The following CUL2 variants were observed in gnomAD, a reference collection of about 807,000 sequenced individuals.
CUL2 encodes cullin 2.
Under a neutral mutation model 110.2 loss-of-function variants are expected in CUL2, and 22 were observed. That is an observed-to-expected ratio of 0.20 (90% CI 0.14 to 0.28). The LOEUF (loss-of-function observed/expected upper bound fraction) is 0.28, where lower values mean the gene tolerates loss of function less well. CUL2 is among the 10% of genes least tolerant of loss of function. The pLI, the probability that CUL2 is intolerant of heterozygous loss-of-function variation, is 1.00. For synonymous variants in CUL2, 279 were observed against 293.2 expected (o/e 0.95, Z 0.49); for missense variants, 631 against 905.5 (o/e 0.70, Z 3.89).
intron 20 of CUL2, among the ~76,000 whole-genome samples, chr10:35,011,138 C>G (rs966435641): frequency 1.3e-5 from 2 of 152,112 alleles, no homozygotes; most frequent in African/African-American, 4.8e-5. Flanking sequence ...TCAAGCAATC[C>G]TCCCGCCTCA....
At chr10:35,021,814 G>A (rs1564699168) in intron 17 of CUL2, among the ~76,000 whole-genome samples, 1 of 134,832 alleles carries the variant, frequency 7.4e-6, no homozygotes, top group Non-Finnish European at 1.6e-5. Context: ...GGAGAGGCGA[G>A]GTGGGGTGAG....
At position 35,031,081 on chromosome 10, in the gene CUL2, CTT is replaced by C. The variant is rs1381802999; in HGVS notation, c.1386+217_1386+218del. On this transcript the variant is annotated intron_variant, in intron 14 of 20. Transcript: ENST00000374749. The surrounding 1 kb of genome is among the most constrained non-coding windows in gnomAD (Gnocchi z 4.4). ...GTATTCATTTATAAGTAGTAATAAT[CTT>C]TTATCATTAATACTGATTATCTTGT... 6.6e-6 allele frequency among the ~76,000 whole-genome samples: 1 copy of C among 152,142 alleles called. No homozygotes were observed. Among genetic ancestry groups the C allele is most frequent in the Non-Finnish European group, 1.5e-5 (1 of 68,030 alleles).
At chr10:35,071,699 C>T (rs1285314878) in intron 1 of CUL2, among the ~76,000 whole-genome samples, 2 of 152,158 alleles carry the variant, frequency 1.3e-5, no homozygotes, top group African/African-American at 2.4e-5. Flanking sequence ...TGAACCATCA[C>T]ACCCGGCCAG....
chr10:35,044,057 A>AG (rs2085870658), intron 8 of CUL2, among the ~76,000 whole-genome samples: 1 of 105,410 alleles, frequency 9.5e-6, no homozygotes, highest in African/African-American at 3.4e-5. Context: ...TCTCCAAAAA[A>AG]AAAAAAAAAA....
In CUL2 at chr10:35,044,547, GAT is replaced by G. The variant is rs771001560; in HGVS notation, c.714+17_714+18del. The stretch of plus-strand genomic sequence containing the variant: ...AGATACAAAATAGATAAATGTATTC[GAT>G]ATGTTTTATTTCTTACCTTTTCCAT... On this transcript the variant is annotated intron_variant, in intron 8 of 20. Coordinates refer to ENST00000374749, the MANE Select transcript of CUL2 (RefSeq NM_003591.4). 3.4e-5 allele frequency: 49 copies of G among 1,437,632 alleles called. No homozygotes were observed. Among genetic ancestry groups the G allele is most frequent in the African/African-American group, 2.0e-4 (14 of 70,002 alleles). 89.1% of individuals were successfully genotyped at this position (1,437,632 alleles called of 1,614,324 possible). A position where few individuals can be genotyped will look rare whatever the true frequency, so the allele number is the denominator to read the frequency against.
At chr10:35,056,144 A>G (rs1314433101) in intron 4 of CUL2, among the ~76,000 whole-genome samples, 1 of 152,260 alleles carries the variant, frequency 6.6e-6, no homozygotes, top group Non-Finnish European at 1.5e-5. Context: ...TCTAGAATGT[A>G]CAGTATACAA....
chr10:35,035,283 C>T lies in CUL2; in HGVS notation c.891G>A (p.Met297Ile). 1 of 1,613,938 alleles carries T rather than the reference C, an allele frequency of 6.2e-7. No individual in the cohort carries two copies. The highest frequency in any genetic ancestry group is 8.5e-7 in the Non-Finnish European group (1 of 1,179,902). Residue 297 changes from methionine to isoleucine, a missense_variant, in exon 10 of 21, where the codon ATG (methionine) becomes ATA (isoleucine). By Grantham distance (10) the Met-to-Ile change is conservative. This residue lies in a region of CUL2 where 338 missense variants were observed against 442.5 expected (regional missense o/e 0.76). Transcript: ENST00000374749. ...RQEKKNDMAN[M>I]YVLLRAVSTG... Reference sequence around the variant, plus strand: ...TGGACACAGCACGGAGTAAGACGTACATATTTGCCATGTCTGAGAGGAAAA... The same window carrying T: ...TGGACACAGCACGGAGTAAGACGTATATATTTGCCATGTCTGAGAGGAAAA...
At chr10:35,049,539 A>T (rs2086040469) in intron 6 of CUL2, 144 bp downstream of exon 6, 2 of 534,220 alleles carry the variant, frequency 3.7e-6, no homozygotes, top group Non-Finnish European at 6.5e-6. Flanking sequence ...AACTTAAAAA[A>T]TGCTGGCATT....
At chr10:35,075,469 C>G (rs148651675) in intron 1 of CUL2, among the ~76,000 whole-genome samples, 10 of 152,112 alleles carry the variant, frequency 6.6e-5, no homozygotes, top group Non-Finnish European at 1.5e-4. Context: ...TGTGCCTTAA[C>G]GAGATTCCCA....
chr10:35,071,091 T>C, intron 2 of CUL2, 108 bp downstream of exon 2: 1 of 1,060,124 alleles, frequency 9.4e-7, no homozygotes, highest in Non-Finnish European at 1.4e-6. Flanking sequence ...GATAATATAT[T>C]AGAAAATAGT....
intron 9 of CUL2, among the ~76,000 whole-genome samples, chr10:35,037,001 A>G (rs1263974056): frequency 6.6e-6 from 1 of 152,168 alleles, no homozygotes; most frequent in South Asian, 2.1e-4. Flanking sequence ...TGGCCTTTTA[A>G]TAATCCAAAG....
intron 4 of CUL2, among the ~76,000 whole-genome samples, chr10:35,059,809 G>A (rs1316424529): frequency 6.6e-6 from 1 of 152,198 alleles, no homozygotes; most frequent in Non-Finnish European, 1.5e-5. Context: ...TTCATTAGCT[G>A]AGTGACCTTC....
chr10:35,062,974 G>A lies in CUL2; in HGVS notation c.208C>T (p.Arg70Trp), dbSNP rs754713861. The change falls in exon 3 of 21, where the codon CGG (arginine) becomes TGG (tryptophan). Residue 70 changes from arginine (R) to tryptophan (W), a missense_variant. By Grantham distance (101) the Arg-to-Trp change is moderately radical. Coordinates refer to ENST00000374749, the MANE Select transcript of CUL2 (RefSeq NM_003591.4). ...ETKIFLENHVRHLHKRVLESE... is the reference protein window; with the variant it reads ...ETKIFLENHVWHLHKRVLESE... The stretch of plus-strand genomic sequence containing the variant: ...TCATTGCTTACCTTATGCAAATGCC[G>A]AACATGATTTTCCAAAAAAATCTTA... 9.3e-5 allele frequency: 148 copies of A among 1,591,552 alleles called. No individual in the cohort carries two copies. The highest frequency in any genetic ancestry group is 1.8e-4 in the East Asian group (8 of 44,724).
Position 35,044,870 on chromosome 10 carries a change from T to TA in CUL2, c.507-3dup. 1 of 1,599,632 alleles carries TA rather than the reference T, an allele frequency of 6.3e-7. No individual in the cohort carries two copies. The highest frequency in any genetic ancestry group is 1.3e-5 in the African/African-American group (1 of 74,720). ...TTTGGGTCTTCTCCACCACGATCACTAAAACAAGGTATAACACAAAATATT... is the reference window on the plus strand; with the variant it reads ...TTTGGGTCTTCTCCACCACGATCACTAAAAACAAGGTATAACACAAAATATT... On this transcript the variant is annotated splice_polypyrimidine_tract_variant and splice_region_variant and intron_variant, in intron 6 of 20. Transcript: ENST00000374749.
chr10:35,080,124 G>A (rs1324669594), intron 1 of CUL2, among the ~76,000 whole-genome samples: 3 of 152,188 alleles, frequency 2.0e-5, no homozygotes, highest in African/African-American at 4.8e-5. Flanking sequence ...AAGGGAGGCA[G>A]GGAAGTGGAA....
At chr10:35,059,416 C>CA (rs2086327052) in intron 4 of CUL2, among the ~76,000 whole-genome samples, 1 of 152,148 alleles carries the variant, frequency 6.6e-6, no homozygotes, top group Admixed American at 6.5e-5. Flanking sequence ...AGAAGACTGG[C>CA]AAAAGGATTA....
In CUL2 at chr10:35,031,516, A is replaced by G. The variant is rs1206342563; in HGVS notation, c.1274T>C (p.Ile425Thr). ...LTSFITVFKY[I>T]DDKDVFQKFY... ...CTTTTGAAAGACGTCCTTGTCATCAATGTATTTGAACACTGTGATGAAGCT... is the reference window on the plus strand; with the variant it reads ...CTTTTGAAAGACGTCCTTGTCATCAGTGTATTTGAACACTGTGATGAAGCT... The change falls in exon 13 of 21, where the codon ATT becomes ACT. Residue 425 changes from isoleucine (I) to threonine (T), a missense_variant. Coordinates refer to ENST00000374749, the MANE Select transcript of CUL2 (RefSeq NM_003591.4). The surrounding 1 kb of genome is among the most constrained non-coding windows in gnomAD (Gnocchi z 4.4). 1.2e-6 allele frequency: 2 copies of G among 1,614,036 alleles called. No homozygotes were observed. Among genetic ancestry groups the G allele is most frequent in the South Asian group, 1.1e-5 (1 of 91,080 alleles).
At chr10:35,119,367 T>C (rs1272224958) in intron 1 of CUL2, among the ~76,000 whole-genome samples, 1 of 152,184 alleles carries the variant, frequency 6.6e-6, no homozygotes, top group Non-Finnish European at 1.5e-5. Flanking sequence ...TCTGTGGATC[T>C]CCATTTGCAC....
chr10:35,058,875 T>C (rs958375337), intron 4 of CUL2, among the ~76,000 whole-genome samples: 1 of 152,154 alleles, frequency 6.6e-6, no homozygotes, highest in African/African-American at 2.4e-5. Flanking sequence ...TAAACCTTGA[T>C]TGAGACAGCT....
Sources: gnomAD v4.1 joint callset for allele counts (sites outside exome capture counted in the v4.1 genomes callset) on GRCh38, gnomAD v4.1.1 for gene constraint, gnomAD v4.1.1 regional missense constraint, Gnocchi (gnomAD v3.1) non-coding constraint, MANE v1.5 for transcripts, NCBI Gene and HGNC (gene_info 2026-07-23, HGNC 2026-07-21) for gene names.